Variants in ZFHX3 observed in about 807,000 individuals in gnomAD.
ZFHX3 encodes zinc finger homeobox 3, also known as zinc finger homeobox protein 3.
Under a neutral mutation model 279.1 loss-of-function variants are expected in ZFHX3, and 42 were observed. That is an observed-to-expected ratio of 0.15 (90% CI 0.12 to 0.19). The LOEUF (loss-of-function observed/expected upper bound fraction) is 0.19, where lower values mean the gene tolerates loss of function less well. Ranked by LOEUF, ZFHX3 falls within the 10% of genes least tolerant of loss-of-function variation. ZFHX3 has a pLI of 1.00. For missense variants in ZFHX3, 4,981 were observed against 4,754.0 expected, an observed-to-expected ratio of 1.05 and a Z score of -1.40; for synonymous variants, 2,293 against 1,957.8, an observed-to-expected ratio of 1.17 and a Z score of -4.52.
At position 73,311,498 on chromosome 16, in the gene ZFHX3, G is replaced by A. The variant is rs986655615; in HGVS notation, c.-1194+6742C>T. On this transcript the variant is annotated intron_variant, in intron 4 of 17. Transcript: ENST00000641206. ...CCAGCTGCTGGGGAAGCTGAGGCAC[G>A]AGAATCATTTAAACCTGTGAGACAG... is the stretch of plus-strand genomic sequence containing the variant. 9.3e-4 allele frequency among the ~76,000 whole-genome samples: 140 copies of A among 149,974 alleles called. 1 individual carries two copies. The highest frequency in any genetic ancestry group is 4.0e-4 in the Admixed American group (6 of 14,874).
At chr16:72,874,198 A>AAT (rs2038242895) in intron 4 of ZFHX3, among the ~76,000 whole-genome samples, 1 of 95,160 alleles carries the variant, frequency 1.1e-5, no homozygotes, top group African/African-American at 4.7e-5. Context: ...GGATTTTTTG[A>AAT]TTTTTTTTTT....
intron 3 of ZFHX3, among the ~76,000 whole-genome samples, chr16:73,441,574 C>A (rs368675952): frequency 4.3e-4 from 65 of 152,250 alleles, no homozygotes; most frequent in African/African-American, 1.3e-3. Context: ...GATTCACAAG[C>A]AAACTCCAAG....
intron 2 of ZFHX3, among the ~76,000 whole-genome samples, chr16:73,546,521 G>C (rs1156268442): frequency 6.6e-6 from 1 of 151,836 alleles, no homozygotes; most frequent in Non-Finnish European, 1.5e-5. Flanking sequence ...GGTAGGAAGA[G>C]GACAGCAATC....
rs530186978 is a variant in ZFHX3 at position 72,887,875 on chromosome 16, G to A, written c.3448+1856C>T. Among the ~76,000 whole-genome samples the A allele has an allele frequency of 2.0e-5, 3 of 152,124 alleles. No individual in the cohort carries two copies. In the South Asian group the frequency reaches 6.2e-4, roughly 32 times the overall value. On this transcript the variant is annotated intron_variant, in intron 4 of 9. Transcript: ENST00000268489. Reference sequence around the variant, plus strand: ...TAGGATGCAGAGAAAGTGTATGTGTGTGCGCGCACGTGCGAGAACGTGTAT... The same window carrying A: ...TAGGATGCAGAGAAAGTGTATGTGTATGCGCGCACGTGCGAGAACGTGTAT...
chr16:73,242,116 T>C (rs1287503574), intron 5 of ZFHX3, among the ~76,000 whole-genome samples: 2 of 152,174 alleles, frequency 1.3e-5, no homozygotes, highest in Non-Finnish European at 2.9e-5. Flanking sequence ...TTGGGCATAT[T>C]CATGGAGATA....
chr16:73,581,958 G>A (rs905969421), intron 2 of ZFHX3, among the ~76,000 whole-genome samples: 4 of 151,926 alleles, frequency 2.6e-5, no homozygotes, highest in African/African-American at 9.7e-5. Flanking sequence ...ACAGGCATGA[G>A]CCACCGCACC....
intron 1 of ZFHX3, among the ~76,000 whole-genome samples, chr16:72,993,621 C>T (rs750464766): frequency 1.1e-4 from 17 of 152,190 alleles, no homozygotes; most frequent in Non-Finnish European, 2.2e-4. Flanking sequence ...TTTCATCCTT[C>T]CTAAGAAAAC....
intron 2 of ZFHX3, among the ~76,000 whole-genome samples, chr16:73,483,731 G>A (rs962757229): frequency 6.6e-6 from 1 of 152,210 alleles, no homozygotes; most frequent in East Asian, 1.9e-4. Context: ...GCTCGACACA[G>A]TTTCGCTATT....
intron 3 of ZFHX3, among the ~76,000 whole-genome samples, chr16:73,334,800 C>G (rs1427054950): frequency 3.3e-5 from 2 of 60,914 alleles, no homozygotes; most frequent in African/African-American, 1.2e-4. Flanking sequence ...TCCTCCTTTT[C>G]TTTCTCATTC....
At chr16:73,636,321 T>A (rs961509701) in intron 2 of ZFHX3, among the ~76,000 whole-genome samples, 1 of 152,176 alleles carries the variant, frequency 6.6e-6, no homozygotes, top group African/African-American at 2.4e-5. Flanking sequence ...ACTGTAATGA[T>A]GAAACCCTGG....
intron 5 of ZFHX3, among the ~76,000 whole-genome samples, chr16:73,189,936 A>T (rs868604772): frequency 1.6e-4 from 24 of 152,190 alleles, no homozygotes; most frequent in Non-Finnish European, 1.5e-4. Context: ...CTCTAAAAAA[A>T]TTAAAAAAAA....
chr16:72,819,947 G>A (rs1048996852), intron 5 of ZFHX3, among the ~76,000 whole-genome samples: 2 of 152,186 alleles, frequency 1.3e-5, no homozygotes, highest in Admixed American at 1.3e-4. Context: ...GTGAAAAGAG[G>A]GCAAATACCT....
chr16:73,104,796 C>G (rs905599176), intron 7 of ZFHX3, among the ~76,000 whole-genome samples: 1 of 152,146 alleles, frequency 6.6e-6, no homozygotes, highest in Non-Finnish European at 1.5e-5. Flanking sequence ...ACTTCAGAAG[C>G]CTTCCTTGGC....
rs759234438 is a variant in ZFHX3 at position 72,958,531 on chromosome 16, C to T, written c.1615G>A (p.Val539Met). The change falls in exon 2 of 10, where the codon GTG becomes ATG. Residue 539 changes from valine (V) to methionine (M), a missense_variant. Val to Met is a conservative substitution (Grantham distance 21). Coordinates refer to ENST00000268489, the MANE Select transcript of ZFHX3 (RefSeq NM_006885.4). ...SISNSPLMPN[V>M]LQTLSRGTAS... ...GTGCCCCTCGACAGGGTCTGGAGCA[C>T]GTTAGGCATTAAGGGGGAGTTAGAA... 26 of 1,614,038 alleles carry T rather than the reference C, an allele frequency of 1.6e-5. 1 individual carries two copies. The East Asian group carries it at 2.7e-4, about 17-fold the overall frequency.
intron 5 of ZFHX3, among the ~76,000 whole-genome samples, chr16:73,213,979 C>A (rs2012109025): frequency 6.6e-6 from 1 of 152,156 alleles, no homozygotes. Context: ...GATTTCACAA[C>A]TGTTTAATAG....
At chr16:73,054,796 T>C (rs1965515816) in intron 1 of ZFHX3, among the ~76,000 whole-genome samples, 1 of 152,152 alleles carries the variant, frequency 6.6e-6, no homozygotes, top group African/African-American at 2.4e-5. Flanking sequence ...CTCTCTGTAA[T>C]ACCCCAAGAC....
Position 73,539,114 on chromosome 16 carries a change from C to T in ZFHX3, c.-1546-82856G>A, listed in dbSNP as rs553876694. ...GAAACTAATAGCCTATGTTATCAAA[C>T]AGCTTTCTTTTTTTCTTTCTTTCTT... On this transcript the variant is annotated intron_variant, in intron 2 of 17. Coordinates refer to the ZFHX3 transcript ENST00000641206. Among the ~76,000 whole-genome samples, 7 of 152,122 alleles carry T rather than the reference C, an allele frequency of 4.6e-5. No individual in the cohort carries two copies. In the East Asian group the frequency reaches 9.6e-4, roughly 21 times the overall value.
chr16:73,077,249 G>A (rs963682389), intron 8 of ZFHX3, among the ~76,000 whole-genome samples: 7 of 152,150 alleles, frequency 4.6e-5, no homozygotes, highest in African/African-American at 1.7e-4. Context: ...CTAAAATCTT[G>A]TTACTCTTTC....
intron 3 of ZFHX3, among the ~76,000 whole-genome samples, chr16:73,385,358 T>C (rs1273291409): frequency 6.6e-6 from 1 of 152,202 alleles, no homozygotes; most frequent in Non-Finnish European, 1.5e-5. Flanking sequence ...TCCTGCATGT[T>C]TGGACACATT....
Sources: gnomAD v4.1 joint callset for allele counts (sites outside exome capture counted in the v4.1 genomes callset) on GRCh38, gnomAD v4.1.1 for gene constraint, MANE v1.5 for transcripts, NCBI Gene and HGNC (gene_info 2026-07-23, HGNC 2026-07-21) for gene names.